Variants in GABBR1 observed in about 807,000 individuals in gnomAD.
GABBR1 encodes the protein GABA-B receptor, R1 subunit.
Under a neutral mutation model 117.7 loss-of-function variants are expected in GABBR1, and 35 were observed. The ratio of observed to expected loss-of-function variants is 0.30; its 90% confidence interval spans 0.23 to 0.39. GABBR1 has a LOEUF of 0.39. Ranked by LOEUF, GABBR1 falls within the 10% of genes least tolerant of loss-of-function variation. The probability of loss-of-function intolerance (pLI) is 1.00; values close to 1 mark genes in which losing one functional copy is unlikely to be tolerated. For missense variants in GABBR1, 709 were observed against 1,241.8 expected (o/e 0.57, Z 6.45); for synonymous variants, 442 against 486.6 (o/e 0.91, Z 1.21).
Position 29,613,296 on chromosome 6 carries a change from TG to T in GABBR1, c.1512del (p.Ile505LeufsTer9). 6.2e-7 allele frequency: 1 copy of T among 1,612,958 alleles called. No homozygotes were observed. On this transcript the variant is annotated frameshift_variant, in exon 12 of 23. Transcript: ENST00000377034. LOFTEE classifies it high-confidence loss of function. This position sits in a 1 kb window ranked among gnomAD's most constrained non-coding sequence, Gnocchi z 4.1. ...ATTGCCCGGTAGATTTGGTCGGTAA[TG>T]GTCTGGTTGTTGTAGTTGAAGTCCT... ...RLEDFNYNNQ[T>X]ITDQIYRAMN...
chr6:29,605,443 G>A lies in GABBR1; in HGVS notation c.2439+126C>T, dbSNP rs930936586. On this transcript the variant is annotated intron_variant, in intron 20 of 22. Transcript: ENST00000377034. This position sits in a 1 kb window ranked among gnomAD's most constrained non-coding sequence, Gnocchi z 4.2. ...CTGTAAAGTGCTTTATAGACCTGAA[G>A]AATTAACAAACTTTTTAAGACTTCT... 4.3e-6 allele frequency: 5 copies of A among 1,163,110 alleles called. No homozygotes were observed. The African/African-American group carries it at 6.2e-5, about 14-fold the overall frequency. 72.0% of individuals were successfully genotyped at this position (1,163,110 alleles called of 1,614,324 possible). A position where few individuals can be genotyped will look rare whatever the true frequency, so the allele number is the denominator to read the frequency against.
rs542666606 is a variant in GABBR1 at position 29,616,293 on chromosome 6, G to A, written c.1324-2808C>T. Among the ~76,000 whole-genome samples, 6 of 148,632 alleles carry A rather than the reference G, an allele frequency of 4.0e-5. No individual in the cohort carries two copies. In the East Asian group the frequency reaches 8.0e-4, roughly 20 times the overall value. On this transcript the variant is annotated intron_variant, in intron 11 of 22. Coordinates refer to ENST00000377034, the MANE Select transcript of GABBR1 (RefSeq NM_001470.4). ...GCTGAGGCAGGAGAATCGGAGAATCGCTTGAACCCAGGAGGCGGAGGTTGC... is the reference window on the plus strand; with the variant it reads ...GCTGAGGCAGGAGAATCGGAGAATCACTTGAACCCAGGAGGCGGAGGTTGC...
intron 11 of GABBR1, among the ~76,000 whole-genome samples, chr6:29,615,609 TAAA>T (rs28751302): frequency 8.2e-5 from 10 of 121,386 alleles, no homozygotes; most frequent in Non-Finnish European, 8.7e-5. Context: ...ACTCTGCCTT[TAAA>T]AAAAAAAAAA....
In GABBR1 at chr6:29,621,205, A is replaced by C; in HGVS notation, c.1219T>G (p.Ser407Ala). ...ADNWFKIYDP[S>A]INCTVDEMTE... ...ATCTCATCCACTGTGCAGTTGATAG[A>C]AGGGTCGTAGATCTTGAACCAATTG... Residue 407 changes from serine to alanine, a missense_variant, in exon 11 of 23, where the codon TCT becomes GCT. Around this residue, in one of 9 missense-constraint regions of GABBR1, gnomAD observed 192 missense variants for 418.4 expected, o/e 0.46. Transcript: ENST00000377034. The surrounding 1 kb of genome is among the most constrained non-coding windows in gnomAD (Gnocchi z 5.0). 1 of 1,613,016 alleles carries C rather than the reference A, an allele frequency of 6.2e-7. No homozygotes were observed.
In GABBR1 at chr6:29,603,358, G is replaced by A. The variant is rs1489313890; in HGVS notation, c.*185C>T. 1 of 711,636 alleles carries A rather than the reference G, an allele frequency of 1.4e-6. No homozygotes were observed. The allele number at this position is 711,636 out of a possible 1,614,324, so 44.1% of individuals were successfully genotyped here. A position where few individuals can be genotyped will look rare whatever the true frequency, so the allele number is the denominator to read the frequency against. On this transcript the variant is annotated 3_prime_UTR_variant, in exon 23 of 23. Transcript: ENST00000377034. ...GAAGCAGTAAGAGAGAAAAAGGTCT[G>A]TTTCCCAGAGGTATGAGAGACCCAA...
Position 29,607,240 on chromosome 6 carries a change from AG to A in GABBR1, c.1993-23del. The stretch of plus-strand genomic sequence containing the variant: ...GGGCCTAGAAAGGAAGAGAGGGCAC[AG>A]GCAGAACAGGGTAGAGTAGTAGCCG... On this transcript the variant is annotated intron_variant, in intron 16 of 22. Coordinates refer to ENST00000377034, the MANE Select transcript of GABBR1 (RefSeq NM_001470.4). This position sits in a 1 kb window ranked among gnomAD's most constrained non-coding sequence, Gnocchi z 5.0. 1 of 1,584,620 alleles carries A rather than the reference AG, an allele frequency of 6.3e-7. No individual in the cohort carries two copies. Among genetic ancestry groups the A allele is most frequent in the South Asian group, 1.1e-5 (1 of 90,480 alleles).
chr6:29,607,305 G>A lies in GABBR1; in HGVS notation c.1993-87C>T. The A allele has an allele frequency of 2.8e-6, 3 of 1,061,114 alleles. No homozygotes were observed. The South Asian group carries it at 3.8e-5, about 13-fold the overall frequency. The allele number at this position is 1,061,114 out of a possible 1,614,324, so 65.7% of individuals were successfully genotyped here. A position where few individuals can be genotyped will look rare whatever the true frequency, so the allele number is the denominator to read the frequency against. ...GATGGGCAGAACCCTAAGGGAGAGTGGGCAGGGAGCACGGGCAGGGAGCTC... is the reference window on the plus strand; with the variant it reads ...GATGGGCAGAACCCTAAGGGAGAGTAGGCAGGGAGCACGGGCAGGGAGCTC... On this transcript the variant is annotated intron_variant, in intron 16 of 22. Coordinates refer to ENST00000377034, the MANE Select transcript of GABBR1 (RefSeq NM_001470.4). This position sits in a 1 kb window ranked among gnomAD's most constrained non-coding sequence, Gnocchi z 5.0.
rs57198935 is a variant in GABBR1 at position 29,618,432 on chromosome 6, G to A, written c.1323+2669C>T. ...AGAGACACTCTACTCTGCAGCTTAA[G>A]GAAATCTGAACAATAAAGACCCCTC... is the stretch of plus-strand genomic sequence containing the variant. On this transcript the variant is annotated intron_variant, in intron 11 of 22. Transcript: ENST00000377034. Among the ~76,000 whole-genome samples, 287 of 152,298 alleles carry A rather than the reference G, an allele frequency of 1.9e-3. 1 individual carries two copies. Among genetic ancestry groups the A allele is most frequent in the African/African-American group, 2.7e-3 (114 of 41,560 alleles).
At position 29,602,862 on chromosome 6, in the gene GABBR1, A is replaced by G; in HGVS notation, c.*681T>C. 1 of 373,792 alleles carries G rather than the reference A, an allele frequency of 2.7e-6. No individual in the cohort carries two copies. The highest frequency in any genetic ancestry group is 5.3e-6 in the Non-Finnish European group (1 of 188,988). 23.2% of individuals were successfully genotyped at this position (373,792 alleles called of 1,614,324 possible). A position where few individuals can be genotyped will look rare whatever the true frequency, so the allele number is the denominator to read the frequency against. ...GTGAATGCAGGGCACCCGAGAGCACATGTGACTGAACATGAAGAAAGCATA... is the reference window on the plus strand; with the variant it reads ...GTGAATGCAGGGCACCCGAGAGCACGTGTGACTGAACATGAAGAAAGCATA... On this transcript the variant is annotated 3_prime_UTR_variant, in exon 23 of 23. Coordinates refer to ENST00000377034, the MANE Select transcript of GABBR1 (RefSeq NM_001470.4).
chr6:29,616,971 C>G (rs1163675778), intron 11 of GABBR1, among the ~76,000 whole-genome samples: 1 of 138,180 alleles, frequency 7.2e-6, no homozygotes, highest in Non-Finnish European at 1.5e-5. Flanking sequence ...CACGGTGAAA[C>G]CCCGTCTCTA....
At chr6:29,629,021 G>A (rs1764677653) in intron 5 of GABBR1, 66 bp downstream of exon 5, 1 of 1,589,194 alleles carries the variant, frequency 6.3e-7, no homozygotes, top group Admixed American at 1.7e-5. Context: ...GAATTTCAGG[G>A]GGGTGGAGGG....
chr6:29,629,138 G>T lies in GABBR1; in HGVS notation c.476-31C>A, dbSNP rs373030026. 4.3e-6 allele frequency: 7 copies of T among 1,612,752 alleles called. No individual in the cohort carries two copies. In the African/African-American group the frequency reaches 8.0e-5, roughly 18 times the overall value. On this transcript the variant is annotated intron_variant, in intron 4 of 22. Coordinates refer to ENST00000377034, the MANE Select transcript of GABBR1 (RefSeq NM_001470.4). ...AGCAGGAAAGACGGGGATCAGAGAA[G>T]AGTTACCACTGGCGCCCAGCTTCCC... is the stretch of plus-strand genomic sequence containing the variant.
At chr6:29,619,960 G>A (rs546370017) in intron 11 of GABBR1, among the ~76,000 whole-genome samples, 2 of 152,342 alleles carry the variant, frequency 1.3e-5, no homozygotes, top group Non-Finnish European at 2.9e-5. Context: ...CACACCACCA[G>A]AGTCAACTTC....
In GABBR1 at chr6:29,623,189, C is replaced by T. The variant is rs556388914; in HGVS notation, c.963+116G>A. On this transcript the variant is annotated intron_variant, in intron 8 of 22. Coordinates refer to ENST00000377034, the MANE Select transcript of GABBR1 (RefSeq NM_001470.4). This position sits in a 1 kb window ranked among gnomAD's most constrained non-coding sequence, Gnocchi z 6.2. ...AACTGCACTTAATCCACATGGAATG[C>T]GTTCTCTTTCAATGAAGAATCAAGT... is the stretch of plus-strand genomic sequence containing the variant. 21 of 899,510 alleles carry T rather than the reference C, an allele frequency of 2.3e-5. No individual in the cohort carries two copies. The highest frequency in any genetic ancestry group is 1.3e-4 in the African/African-American group (8 of 59,692). The allele number at this position is 899,510 out of a possible 1,614,324, so 55.7% of individuals were successfully genotyped here.
At position 29,604,671 on chromosome 6, in the gene GABBR1, G is replaced by C; in HGVS notation, c.2569-34C>G. ...AAATGTTTGGGCGTGGGGTGGCCCAGCAAGGACTGTACTAGTGACTGGCTG... is the reference window on the plus strand; with the variant it reads ...AAATGTTTGGGCGTGGGGTGGCCCACCAAGGACTGTACTAGTGACTGGCTG... On this transcript the variant is annotated intron_variant, in intron 21 of 22. Transcript: ENST00000377034. This position sits in a 1 kb window ranked among gnomAD's most constrained non-coding sequence, Gnocchi z 5.3. 2 of 1,613,088 alleles carry C rather than the reference G, an allele frequency of 1.2e-6. No individual in the cohort carries two copies. The highest frequency in any genetic ancestry group is 1.7e-6 in the Non-Finnish European group (2 of 1,179,976).
In GABBR1 at chr6:29,621,712, C is replaced by G. The variant is rs1319132276; in HGVS notation, c.1131+40G>C. 1 of 1,582,148 alleles carries G rather than the reference C, an allele frequency of 6.3e-7. No homozygotes were observed. Among genetic ancestry groups the G allele is most frequent in the African/African-American group, 1.3e-5 (1 of 74,246 alleles). ...GGCCCCACAAGAAAACCAAGGGAAA[C>G]TCCCACCCAGTGCCCCTCCCTCTTC... On this transcript the variant is annotated intron_variant, in intron 10 of 22. Transcript: ENST00000377034. The surrounding 1 kb of genome is among the most constrained non-coding windows in gnomAD (Gnocchi z 5.0).
Position 29,604,714 on chromosome 6 carries a change from G to A in GABBR1, c.2569-77C>T. 1 of 1,605,436 alleles carries A rather than the reference G, an allele frequency of 6.2e-7. No individual in the cohort carries two copies. On this transcript the variant is annotated intron_variant, in intron 21 of 22. Coordinates refer to ENST00000377034, the MANE Select transcript of GABBR1 (RefSeq NM_001470.4). The surrounding 1 kb of genome is among the most constrained non-coding windows in gnomAD (Gnocchi z 5.3). ...ACTGGCTGATGGAAGGTTGGAGGTG[G>A]AAGGAATGCTGATAAGAGTTGGGCC...
Position 29,609,474 on chromosome 6 carries a change from G to A in GABBR1, c.1709-95C>T. The A allele has an allele frequency of 9.8e-7, 1 of 1,023,720 alleles. No individual in the cohort carries two copies. Among genetic ancestry groups the A allele is most frequent in the South Asian group, 1.4e-5 (1 of 70,178 alleles). 63.4% of individuals were successfully genotyped at this position (1,023,720 alleles called of 1,614,324 possible). ...GATAGGAGAAAAGGGCAAAGAACTA[G>A]ATTGCTGATGGACATTCAGTCATTG... On this transcript the variant is annotated intron_variant, in intron 14 of 22. Coordinates refer to ENST00000377034, the MANE Select transcript of GABBR1 (RefSeq NM_001470.4). This position sits in a 1 kb window ranked among gnomAD's most constrained non-coding sequence, Gnocchi z 4.3.
chr6:29,629,871 G>C (rs1225392121), intron 4 of GABBR1: 2 of 151,920 alleles, frequency 1.3e-5, no homozygotes, highest in African/African-American at 4.9e-5. Flanking sequence ...GAATAATGGA[G>C]GTTGTCTAGG....
Sources: allele counts gnomAD v4.1 joint callset (sites outside exome capture counted in the v4.1 genomes callset), GRCh38; gene constraint gnomAD v4.1.1; regional missense constraint gnomAD v4.1.1; non-coding constraint Gnocchi (gnomAD v3.1); transcripts MANE v1.5; gene names NCBI Gene and HGNC (gene_info 2026-07-23, HGNC 2026-07-21).